The following FANCI variants were observed in gnomAD, a reference collection of about 807,000 sequenced individuals.
The protein encoded by FANCI is Fanconi anemia group I protein.
A neutral mutation model predicts 176.1 loss-of-function variants in FANCI; 156 were observed. The ratio of observed to expected loss-of-function variants is 0.89; its 90% CI spans 0.78 to 1.01. The LOEUF is 1.01. Among genes scored for constraint, FANCI ranks in the 50% least tolerant of loss-of-function variants. FANCI has a pLI of 0.00. For missense variants in FANCI, 1,678 were observed against 1,534.1 expected (o/e 1.09, Z -1.57); for synonymous variants, 613 against 541.7 (o/e 1.13, Z -1.83).
At chr15:89,256,225 C>A (rs1340870781) in intron 2 of FANCI, among the ~76,000 whole-genome samples, 1 of 152,204 alleles carries the variant, frequency 6.6e-6, no homozygotes, top group East Asian at 1.9e-4. Context: ...TTGATAGCAT[C>A]TCTTACCTCT....
At chr15:89,264,220 A>G (rs1233691346) in intron 8 of FANCI, among the ~76,000 whole-genome samples, 194 bp downstream of exon 8, 1 of 152,248 alleles carries the variant, frequency 6.6e-6, no homozygotes. Context: ...TAAAAGGATC[A>G]TACTTCTCAT....
rs749872993 is a variant in FANCI, at chr15:89,293,815, CTT to C, written c.2292-13_2292-12del. 2 of 1,612,554 alleles carry C rather than the reference CTT, an allele frequency of 1.2e-6. No individual in the cohort carries two copies. The highest frequency in any genetic ancestry group is 1.7e-5 in the Admixed American group (1 of 59,984). ...TTCTGATGTTTGTCCTTAGCGGTCT[CTT>C]TTTTGTTTTTTACAGTAAGAATAGG... On this transcript the variant is annotated splice_polypyrimidine_tract_variant and intron_variant, in intron 22 of 37. Coordinates refer to ENST00000310775, the MANE Select transcript of FANCI (RefSeq NM_001113378.2).
intron 18 of FANCI, among the ~76,000 whole-genome samples, chr15:89,287,478 C>T (rs1282015359): frequency 6.6e-6 from 1 of 152,208 alleles, no homozygotes; most frequent in African/African-American, 2.4e-5. Flanking sequence ...AAACTTTCTT[C>T]ACATCAGCAA....
chr15:89,280,509 T>C (rs141200923), intron 14 of FANCI, among the ~76,000 whole-genome samples: 329 of 152,344 alleles, frequency 2.2e-3, no homozygotes, highest in African/African-American at 7.6e-3. Flanking sequence ...TCCCTTTATA[T>C]ATGTAGGCCT....
At chr15:89,260,305 C>G (rs2052662092) in intron 3 of FANCI, among the ~76,000 whole-genome samples, 1 of 152,058 alleles carries the variant, frequency 6.6e-6, no homozygotes, top group African/African-American at 2.4e-5. Context: ...AATGAAAGCA[C>G]TCAACTTATT....
chr15:89,246,794 C>T lies in FANCI; in HGVS notation c.-19-835C>T, dbSNP rs559684918. On this transcript the variant is annotated intron_variant, in intron 1 of 37. Transcript: ENST00000310775. ...TTTTTTTTTTTTTTTGAGACAGAGC[C>T]TCGCTCTGTCGCCCAGGCTGGAGTG... Among the ~76,000 whole-genome samples the T allele has an allele frequency of 2.5e-3, 332 of 130,662 alleles. 2 individuals carry two copies. The highest frequency in any genetic ancestry group is 9.1e-3 in the African/African-American group (320 of 35,066). 85.7% of individuals were successfully genotyped at this position (130,662 alleles called of 152,430 possible). A position where few individuals can be genotyped will look rare whatever the true frequency, so the allele number is the denominator to read the frequency against.
intron 32 of FANCI, 25 bp downstream of exon 32, chr15:89,306,219 C>T (rs751251565): frequency 6.2e-7 from 1 of 1,611,794 alleles, no homozygotes. Context: ...CAAGCAGATT[C>T]GCCCCACCAT....
At position 89,285,208 on chromosome 15, in the gene FANCI, T is replaced by C. The variant is rs1477844809; in HGVS notation, c.1811T>C (p.Met604Thr). Residue 604 changes from methionine to threonine, a missense_variant, in exon 18 of 38, where the codon ATG becomes ACG. Physicochemically the swap from Met to Thr is moderately conservative, Grantham distance 81. This residue lies in a region of FANCI where 1,204 missense variants were observed against 1,077.4 expected (regional missense o/e 1.12). Transcript: ENST00000310775. ...CLSQQADVRL[M>T]LYEGFYDVLR... is the part of the protein sequence containing the mutation. ...AGCCAGCAAGCTGATGTTCGACTCA[T>C]GCTTTATGAGGTAAGTCCGTAGAAT... 1.2e-5 allele frequency: 19 copies of C among 1,614,072 alleles called. No homozygotes were observed. The highest frequency in any genetic ancestry group is 1.6e-5 in the Non-Finnish European group (19 of 1,180,022).
At position 89,293,931 on chromosome 15, in the gene FANCI, C is replaced by T. The variant is rs761136936; in HGVS notation, c.2390C>T (p.Ala797Val). Reference sequence around the variant, plus strand: ...GCGGGTAAAGCCAAAACTAAAATGGCCAACAAGACAAGTGATAGTCTTTTG... The same window carrying T: ...GCGGGTAAAGCCAAAACTAAAATGGTCAACAAGACAAGTGATAGTCTTTTG... ...EKAGKAKTKM[A>V]NKTSDSLLSM... The change falls in exon 23 of 38, where the codon GCC becomes GTC. Residue 797 changes from alanine (A) to valine (V), a missense_variant. By Grantham distance (64) the Ala-to-Val change is moderately conservative. Transcript: ENST00000310775. 9.7e-5 allele frequency: 157 copies of T among 1,614,048 alleles called. No homozygotes were observed. The South Asian group carries it at 1.4e-3, about 15-fold the overall frequency.
At chr15:89,269,564 G>C (rs983438830) in intron 10 of FANCI, among the ~76,000 whole-genome samples, 1 of 152,028 alleles carries the variant, frequency 6.6e-6, no homozygotes, top group Non-Finnish European at 1.5e-5. Context: ...TCACGATTGG[G>C]TTCAAGTTAA....
intron 16 of FANCI, chr15:89,282,103 C>T (rs1249024948): frequency 4.6e-6 from 2 of 431,306 alleles, no homozygotes; most frequent in African/African-American, 4.0e-5. Context: ...AGTGACTTTC[C>T]AAAAGTAAAA....
intron 34 of FANCI, among the ~76,000 whole-genome samples, chr15:89,310,308 T>C (rs1283246195): frequency 1.3e-5 from 2 of 152,210 alleles, no homozygotes; most frequent in Non-Finnish European, 2.9e-5. Context: ...GTGGGCCAGA[T>C]TTATACTATG....
intron 18 of FANCI, among the ~76,000 whole-genome samples, chr15:89,289,111 A>G (rs1596299274): frequency 6.6e-6 from 1 of 151,348 alleles, no homozygotes; most frequent in South Asian, 2.1e-4. Flanking sequence ...CAAGCTAACC[A>G]TTTGTTCAGA....
chr15:89,257,803 C>T (rs1466060153), intron 2 of FANCI, among the ~76,000 whole-genome samples: 2 of 152,164 alleles, frequency 1.3e-5, no homozygotes, highest in Non-Finnish European at 2.9e-5. Context: ...TCATCTCTCT[C>T]TTAAACATGG....
In FANCI at chr15:89,247,823, C is replaced by A. The variant is rs980326508; in HGVS notation, c.84+92C>A. 1.1e-5 allele frequency: 10 copies of A among 944,444 alleles called. No homozygotes were observed. In the African/African-American group the frequency reaches 1.6e-4, roughly 15 times the overall value. The allele number at this position is 944,444 out of a possible 1,614,324, so 58.5% of individuals were successfully genotyped here. A position where few individuals can be genotyped will look rare whatever the true frequency, so the allele number is the denominator to read the frequency against. ...GTGAGAAAGAAAAATTACGCTGCTT[C>A]TTCATCTACTCCCCATTCACTGTAG... On this transcript the variant is annotated intron_variant, in intron 2 of 37. Transcript: ENST00000310775.
intron 2 of FANCI, among the ~76,000 whole-genome samples, chr15:89,252,799 A>G (rs2052318836): frequency 6.6e-6 from 1 of 152,222 alleles, no homozygotes; most frequent in South Asian, 2.1e-4. Context: ...AAAAACTATG[A>G]AACACTTCTG....
chr15:89,273,323 A>G (rs2053272766), intron 10 of FANCI, 54 bp from the exon 11 acceptor site: 3 of 926,674 alleles, frequency 3.2e-6, no homozygotes, highest in African/African-American at 2.0e-5. Context: ...AAAAAAAAAA[A>G]AAAGAAAAAA....
chr15:89,298,502 CAGTT>C (rs2054399113), intron 24 of FANCI, among the ~76,000 whole-genome samples: 1 of 152,094 alleles, frequency 6.6e-6, no homozygotes, highest in African/African-American at 2.4e-5. Flanking sequence ...GAAATTAAAG[CAGTT>C]AGTGATTTAA....
At chr15:89,258,668 G>T (rs748062647) in intron 2 of FANCI, 36 bp from the exon 3 acceptor site, 12 of 1,525,492 alleles carry the variant, frequency 7.9e-6, no homozygotes, top group Non-Finnish European at 1.0e-5. Flanking sequence ...GTAAAAGACT[G>T]TTGCCAGAGA....
Sources: allele counts gnomAD v4.1 joint callset (sites outside exome capture counted in the v4.1 genomes callset), GRCh38; gene constraint gnomAD v4.1.1; regional missense constraint gnomAD v4.1.1; transcripts MANE v1.5; gene names NCBI Gene and HGNC (gene_info 2026-07-23, HGNC 2026-07-21).